LRRC7: variants seen among roughly 807,000 people sequenced by gnomAD.
LRRC7 encodes the protein leucine rich repeat containing 7, also known as leucine-rich repeat-containing protein 7.
Under a neutral mutation model 175.7 loss-of-function variants are expected in LRRC7, and 23 were observed. The observed-to-expected ratio is 0.13, with a 90% CI of 0.09 to 0.19. LRRC7 has a LOEUF of 0.19. Among genes scored for constraint, LRRC7 ranks in the 10% least tolerant of loss-of-function variants. LRRC7 has a pLI of 1.00. For missense variants in LRRC7, 1,354 were observed against 1,904.7 expected (o/e 0.71, Z 5.38); for synonymous variants, 685 against 680.9 (o/e 1.01, Z -0.09).
At chr1:69,605,340 CT>C (rs1188032564) in intron 1 of LRRC7, among the ~76,000 whole-genome samples, 1 of 152,090 alleles carries the variant, frequency 6.6e-6, no homozygotes, top group Non-Finnish European at 1.5e-5. Flanking sequence ...CATAAAACCT[CT>C]TTTTCTTTAT....
At chr1:69,803,062 T>C (rs914675617) in intron 4 of LRRC7, among the ~76,000 whole-genome samples, 4 of 151,410 alleles carry the variant, frequency 2.6e-5, no homozygotes, top group African/African-American at 9.7e-5. Context: ...TAATTCTACC[T>C]CTTTTATATA....
At chr1:69,867,493 C>T (rs909324575) in intron 7 of LRRC7, among the ~76,000 whole-genome samples, 1 of 152,126 alleles carries the variant, frequency 6.6e-6, no homozygotes, top group African/African-American at 2.4e-5. Flanking sequence ...GGAGTGACAT[C>T]ATCAGGTTTG....
At chr1:69,667,736 G>A (rs955339355) in intron 1 of LRRC7, among the ~76,000 whole-genome samples, 8 of 152,054 alleles carry the variant, frequency 5.3e-5, no homozygotes, top group Non-Finnish European at 7.4e-5. Flanking sequence ...AGATCATTGG[G>A]TCTTGGTTTT....
chr1:69,931,954 T>G (rs1041220997), intron 8 of LRRC7, among the ~76,000 whole-genome samples: 12 of 152,214 alleles, frequency 7.9e-5, no homozygotes, highest in African/African-American at 2.9e-4. Flanking sequence ...AGACCGTACC[T>G]TGAAAACCTG....
chr1:69,776,273 T>A (rs925844966), intron 3 of LRRC7, among the ~76,000 whole-genome samples: 4 of 152,198 alleles, frequency 2.6e-5, no homozygotes, highest in Non-Finnish European at 5.9e-5. Flanking sequence ...AATGTGAGTA[T>A]GGTGTCTGCA....
intron 1 of LRRC7, among the ~76,000 whole-genome samples, chr1:69,644,481 A>T (rs1654710561): frequency 6.6e-6 from 1 of 151,982 alleles, no homozygotes; most frequent in East Asian, 1.9e-4. Flanking sequence ...ACTAACTTTC[A>T]TATGCTTCCA....
At chr1:69,637,028 G>T (rs970867811) in intron 1 of LRRC7, among the ~76,000 whole-genome samples, 1 of 150,712 alleles carries the variant, frequency 6.6e-6, no homozygotes, top group Non-Finnish European at 1.5e-5. Context: ...CAGTGACTTC[G>T]TATTAGTTGG....
chr1:69,850,226 G>A (rs1682825610), intron 7 of LRRC7, among the ~76,000 whole-genome samples: 1 of 152,010 alleles, frequency 6.6e-6, no homozygotes, highest in African/African-American at 2.4e-5. Context: ...AGAAAATCAG[G>A]TGTACAAAAC....
chr1:69,656,741 C>A lies in LRRC7; in HGVS notation c.3-21640C>A, dbSNP rs372734639. On this transcript the variant is annotated intron_variant, in intron 1 of 26. Transcript: ENST00000651989. ...GTGAACATGACTTGATTTCTTCCCT[C>A]AAGGAGTTAATAGTCTGATTCAGTG... Among the ~76,000 whole-genome samples, 168 of 152,010 alleles carry A rather than the reference C, an allele frequency of 1.1e-3. 2 individuals carry two copies. In the South Asian group the frequency reaches 0.028, roughly 25 times the overall value.
chr1:69,594,780 G>T (rs1342209369), intron 1 of LRRC7, among the ~76,000 whole-genome samples: 3 of 152,064 alleles, frequency 2.0e-5, no homozygotes, highest in East Asian at 1.9e-4. Flanking sequence ...GGTGCTAATG[G>T]GTATCTTTCT....
chr1:69,744,151 C>T (rs751848004), intron 2 of LRRC7, among the ~76,000 whole-genome samples: 1 of 151,740 alleles, frequency 6.6e-6, no homozygotes, highest in East Asian at 1.9e-4. Context: ...AAATAAAATG[C>T]TTAACCTAAG....
chr1:69,946,436 C>G lies in LRRC7; in HGVS notation c.711+14866C>G, dbSNP rs534912724. On this transcript the variant is annotated intron_variant, in intron 8 of 26. Transcript: ENST00000651989. ...ATTGGTATACAGGGTTTATCAAGTC[C>G]TGTTTTTTGGGTATTTTTTTTATTG... Among the ~76,000 whole-genome samples the G allele has an allele frequency of 3.9e-5, 6 of 152,070 alleles. No homozygotes were observed. In the East Asian group the frequency reaches 1.2e-3, roughly 29 times the overall value.
chr1:69,590,130 A>G (rs1339675556), intron 1 of LRRC7, among the ~76,000 whole-genome samples: 3 of 152,184 alleles, frequency 2.0e-5, no homozygotes, highest in Non-Finnish European at 4.4e-5. Context: ...TATTATTAGT[A>G]TAATCATCTG....
At chr1:69,809,222 A>G (rs1346362017) in intron 4 of LRRC7, among the ~76,000 whole-genome samples, 3 of 152,216 alleles carry the variant, frequency 2.0e-5, no homozygotes, top group Admixed American at 1.3e-4. Context: ...AGTCTAAACC[A>G]GGAAGAAGTT....
At chr1:69,583,555 T>A (rs1646282676) in intron 1 of LRRC7, among the ~76,000 whole-genome samples, 1 of 152,140 alleles carries the variant, frequency 6.6e-6, no homozygotes, top group Non-Finnish European at 1.5e-5. Context: ...CAGAGACAAG[T>A]AAGACTGCTG....
intron 11 of LRRC7, among the ~76,000 whole-genome samples, chr1:69,997,884 C>A (rs934634622): frequency 6.6e-6 from 1 of 152,212 alleles, no homozygotes. Flanking sequence ...TATCTCTGCC[C>A]GGCTTTGGTA....
At chr1:69,877,107 A>G (rs1686111314) in intron 7 of LRRC7, among the ~76,000 whole-genome samples, 1 of 152,172 alleles carries the variant, frequency 6.6e-6, no homozygotes, top group African/African-American at 2.4e-5. Context: ...GGAAGGAGTA[A>G]CCATGAGGTA....
chr1:69,689,334 C>A (rs1333951433), intron 2 of LRRC7, among the ~76,000 whole-genome samples: 1 of 152,090 alleles, frequency 6.6e-6, no homozygotes, highest in Non-Finnish European at 1.5e-5. Context: ...GAGATATAAA[C>A]CTAAGTTTAA....
At chr1:69,753,925 AG>A (rs1670123678) in intron 2 of LRRC7, among the ~76,000 whole-genome samples, 1 of 152,124 alleles carries the variant, frequency 6.6e-6, no homozygotes, top group African/African-American at 2.4e-5. Flanking sequence ...TTTAAAGCAA[AG>A]GAAATGTACC....
Sources: allele counts gnomAD v4.1 joint callset (sites outside exome capture counted in the v4.1 genomes callset), GRCh38; gene constraint gnomAD v4.1.1; transcripts MANE v1.5; gene names NCBI Gene and HGNC (gene_info 2026-07-23, HGNC 2026-07-21).